The following B3GALT1 variants were observed in gnomAD, a reference collection of about 807,000 sequenced individuals.
B3GALT1 encodes the protein UDP-Gal:betaGlcNAc beta 1,3-galactosyltransferase, polypeptide 1.
In B3GALT1, 10 loss-of-function variants were observed where a neutral mutation model predicts 23.2. The observed-to-expected ratio is 0.43, with a 90% CI of 0.27 to 0.73. The LOEUF (loss-of-function observed/expected upper bound fraction) is 0.73, where lower values mean the gene tolerates loss of function less well. Ranked by LOEUF, B3GALT1 falls within the 30% of genes least tolerant of loss-of-function variation. B3GALT1 has a pLI of 0.21. For missense variants in B3GALT1, 299 were observed against 405.4 expected, an observed-to-expected ratio of 0.74 and a Z score of 2.25; for synonymous variants, 156 against 141.5, an observed-to-expected ratio of 1.10 and a Z score of -0.73.
chr2:167,677,924 A>C (rs531783523), intron 3 of B3GALT1, among the ~76,000 whole-genome samples: 40 of 152,338 alleles, frequency 2.6e-4, no homozygotes, highest in African/African-American at 9.1e-4. Context: ...TAAAACCGTC[A>C]GATCTTGTGA....
chr2:167,447,485 C>T (rs1699018329), intron 1 of B3GALT1, among the ~76,000 whole-genome samples: 1 of 152,194 alleles, frequency 6.6e-6, no homozygotes, highest in African/African-American at 2.4e-5. Context: ...GCAGGCAGGC[C>T]TCCTTGAGCT....
rs538964011 is a variant in B3GALT1 at position 167,418,527 on chromosome 2, C to G, written c.-510-71650C>G. 1.3e-4 allele frequency among the ~76,000 whole-genome samples: 20 copies of G among 152,220 alleles called. No individual in the cohort carries two copies. The South Asian group carries it at 4.1e-3, about 32-fold the overall frequency. Reference sequence around the variant, plus strand: ...AATTTTCCATTGACTTATCTTAGACCTTCCATAGACCCCAACAACCCTGAA... The same window carrying G: ...AATTTTCCATTGACTTATCTTAGACGTTCCATAGACCCCAACAACCCTGAA... On this transcript the variant is annotated intron_variant, in intron 1 of 4. Transcript: ENST00000392690.
chr2:167,839,143 C>T (rs1327101559), intron 4 of B3GALT1, among the ~76,000 whole-genome samples: 1 of 152,198 alleles, frequency 6.6e-6, no homozygotes, highest in Non-Finnish European at 1.5e-5. Flanking sequence ...TCTCTCACCA[C>T]TCCTATTCAA....
At chr2:167,440,384 A>C (rs1698861577) in intron 1 of B3GALT1, among the ~76,000 whole-genome samples, 1 of 151,620 alleles carries the variant, frequency 6.6e-6, no homozygotes. Flanking sequence ...TAAAATGTTC[A>C]TAAACCCTAA....
chr2:167,415,880 T>C (rs1439364703), intron 1 of B3GALT1, among the ~76,000 whole-genome samples: 1 of 152,132 alleles, frequency 6.6e-6, no homozygotes, highest in Non-Finnish European at 1.5e-5. Context: ...GGATATCTGA[T>C]GGAACAAATA....
intron 1 of B3GALT1, among the ~76,000 whole-genome samples, chr2:167,474,163 G>C (rs1038670709): frequency 9.9e-5 from 15 of 152,126 alleles, no homozygotes; most frequent in African/African-American, 3.6e-4. Context: ...TCTTAATATG[G>C]ATAATTTCTA....
At chr2:167,865,583 A>G (rs895189578) in intron 4 of B3GALT1, among the ~76,000 whole-genome samples, 6 of 152,186 alleles carry the variant, frequency 3.9e-5, no homozygotes, top group Non-Finnish European at 7.3e-5. Flanking sequence ...CAAGATCAGG[A>G]GATCGAGACC....
At chr2:167,666,583 C>CT (rs1433195011) in intron 3 of B3GALT1, among the ~76,000 whole-genome samples, 6 of 151,666 alleles carry the variant, frequency 4.0e-5, no homozygotes, top group African/African-American at 1.5e-4. Flanking sequence ...GTGTGGGAGT[C>CT]TAAGTCTCTT....
chr2:167,593,247 AC>A (rs1220385442), intron 2 of B3GALT1, among the ~76,000 whole-genome samples: 36 of 152,222 alleles, frequency 2.4e-4, no homozygotes, highest in Admixed American at 1.3e-3. Context: ...AATATACTGT[AC>A]TCATGTGATA....
intron 4 of B3GALT1, among the ~76,000 whole-genome samples, chr2:167,841,223 GAA>G (rs902997742): frequency 1.7e-5 from 2 of 118,572 alleles, no homozygotes. Flanking sequence ...TCACCACAAA[GAA>G]AAAAAAAAAA....
intron 1 of B3GALT1, among the ~76,000 whole-genome samples, chr2:167,447,185 A>C (rs1009583221): frequency 5.3e-5 from 8 of 152,184 alleles, no homozygotes; most frequent in Admixed American, 6.5e-5. Flanking sequence ...CTAATATCGC[A>C]GAACAGCAAA....
At chr2:167,305,262 T>C (rs896013443) in intron 1 of B3GALT1, among the ~76,000 whole-genome samples, 3 of 152,184 alleles carry the variant, frequency 2.0e-5, no homozygotes, top group Admixed American at 1.3e-4. Context: ...ATATTTTGCT[T>C]CCTGATTTTT....
chr2:167,851,867 G>A (rs1241359176), intron 4 of B3GALT1, among the ~76,000 whole-genome samples: 2 of 152,170 alleles, frequency 1.3e-5, no homozygotes, highest in Admixed American at 1.3e-4. Context: ...GAGACACGGA[G>A]CACATTATTG....
At chr2:167,327,967 T>TCA (rs1696920390) in intron 1 of B3GALT1, among the ~76,000 whole-genome samples, 1 of 152,230 alleles carries the variant, frequency 6.6e-6, no homozygotes, top group Non-Finnish European at 1.5e-5. Flanking sequence ...TTTCTGCATC[T>TCA]ATTGAGATGA....
Position 167,818,780 on chromosome 2 carries a change from G to T in B3GALT1, c.-243G>T, listed in dbSNP as rs549484614. ...AGTAAGAAGAAGGAAAACACAGCAC[G>T]CTGGAGCCAACAGGTAGGCGAGAAA... On this transcript the variant is annotated 5_prime_UTR_variant, in exon 4 of 5. Transcript: ENST00000392690. 6.6e-6 allele frequency among the ~76,000 whole-genome samples: 1 copy of T among 152,062 alleles called. No individual in the cohort carries two copies. Among genetic ancestry groups the T allele is most frequent in the Non-Finnish European group, 1.5e-5 (1 of 68,000 alleles).
At chr2:167,798,089 T>C (rs1688572843) in intron 3 of B3GALT1, among the ~76,000 whole-genome samples, 1 of 152,242 alleles carries the variant, frequency 6.6e-6, no homozygotes, top group Non-Finnish European at 1.5e-5. Context: ...ATGAATGTCT[T>C]CTTTTGAAAA....
At chr2:167,556,292 A>T (rs957645484) in intron 2 of B3GALT1, among the ~76,000 whole-genome samples, 8 of 152,140 alleles carry the variant, frequency 5.3e-5, no homozygotes, top group Admixed American at 4.6e-4. Context: ...CTGAGCGCAA[A>T]TGAGGCATTG....
intron 3 of B3GALT1, among the ~76,000 whole-genome samples, chr2:167,758,571 T>C: frequency 6.6e-6 from 1 of 152,120 alleles, no homozygotes; most frequent in Non-Finnish European, 1.5e-5. Context: ...TTGACATTGC[T>C]GCCTCCGATG....
Position 167,699,730 on chromosome 2 carries a change from A to C in B3GALT1, c.-352+52764A>C, listed in dbSNP as rs753274022. ...TATTTTAGACAATATATATTTTTTCAAGACAGAGTTTCATTCTTGTTGCCC... is the reference window on the plus strand; with the variant it reads ...TATTTTAGACAATATATATTTTTTCCAGACAGAGTTTCATTCTTGTTGCCC... On this transcript the variant is annotated intron_variant, in intron 3 of 4. Transcript: ENST00000392690. 5.8e-4 allele frequency among the ~76,000 whole-genome samples: 89 copies of C among 152,204 alleles called. 2 individuals are homozygous for C. Among genetic ancestry groups the C allele is most frequent in the Middle Eastern group, 6.8e-3 (2 of 294 alleles).
Sources: gnomAD v4.1 joint callset for allele counts (sites outside exome capture counted in the v4.1 genomes callset) on GRCh38, gnomAD v4.1.1 for gene constraint, MANE v1.5 for transcripts, NCBI Gene and HGNC (gene_info 2026-07-23, HGNC 2026-07-21) for gene names.